Variants in HSH2D observed in about 807,000 individuals in gnomAD.
The protein encoded by HSH2D is hematopoietic SH2 domain containing.
A neutral mutation model predicts 21.5 loss-of-function variants in HSH2D; 16 were observed. The observed-to-expected ratio is 0.74, with a 90% CI of 0.50 to 1.13. The LOEUF (loss-of-function observed/expected upper bound fraction) is 1.13, where lower values mean the gene tolerates loss of function less well. HSH2D is among the 50% of genes most tolerant of loss of function. The probability of loss-of-function intolerance (pLI) is 0.00; values close to 1 mark genes in which losing one functional copy is unlikely to be tolerated. For synonymous variants in HSH2D, 172 were observed against 184.7 expected, an observed-to-expected ratio of 0.93 and a Z score of 0.56; for missense variants, 418 against 441.4, an observed-to-expected ratio of 0.95 and a Z score of 0.47.
intron 2 of HSH2D, chr19:16,151,375 G>A: frequency 6.7e-6 from 2 of 299,002 alleles, no homozygotes; most frequent in Non-Finnish European, 6.7e-6. Context: ...AATAATAACA[G>A]CAAACATTTT....
At position 16,148,860 on chromosome 19, in the gene HSH2D, G is replaced by T. The variant is rs756929208; in HGVS notation, c.110G>T (p.Gly37Val). 1 of 1,613,074 alleles carries T rather than the reference G, an allele frequency of 6.2e-7. No homozygotes were observed. Among genetic ancestry groups the T allele is most frequent in the East Asian group, 2.2e-5 (1 of 44,828 alleles). The change falls in exon 2 of 6, where the codon GGT becomes GTT. Residue 37 changes from glycine to valine, a missense_variant. By Grantham distance (109) the Gly-to-Val change is moderately radical. Transcript: ENST00000613986. ...AQDGVPEWFH[G>V]AISREDAENL... The stretch of plus-strand genomic sequence containing the variant: ...GACGGGGTCCCCGAGTGGTTCCATG[G>T]TGCAATCTCAAGAGAGTGAGGACAC...
At position 16,153,106 on chromosome 19, in the gene HSH2D, C is replaced by T. The variant is rs369342750; in HGVS notation, c.279C>T (p.Pro93=). ...KLLDDGTFMI[P]GEKVAHTSLD... ...TGGATGATGGGACTTTCATGATCCC[C>T]GGGGAGAAGGTGGCCCACACCTCGC... is the stretch of plus-strand genomic sequence containing the variant. Residue 93 remains proline (P), a synonymous_variant, in exon 4 of 6, where the codon CCC becomes CCT. Transcript: ENST00000613986. The T allele has an allele frequency of 1.9e-6, 3 of 1,608,094 alleles. No individual in the cohort carries two copies. The highest frequency in any genetic ancestry group is 1.1e-5 in the South Asian group (1 of 89,922).
At chr19:16,147,955 GT>G (rs112290498) in intron 1 of HSH2D, among the ~76,000 whole-genome samples, 2,931 of 149,582 alleles carry the variant, frequency 0.02, 93 homozygotes, top group African/African-American at 0.068. Flanking sequence ...ACACAAGCCA[GT>G]TTTTTGTTGT....
chr19:16,144,034 T>C (rs1375918643), intron 1 of HSH2D, among the ~76,000 whole-genome samples: 1 of 151,796 alleles, frequency 6.6e-6, no homozygotes, highest in African/African-American at 2.4e-5. Flanking sequence ...AAGGATGTCT[T>C]TAGGTCTAGA....
At chr19:16,138,753 G>C (rs1029746898), upstream of HSH2D, among the ~76,000 whole-genome samples, 2 of 152,074 alleles carry the variant, frequency 1.3e-5, no homozygotes, top group Admixed American at 6.6e-5. Flanking sequence ...ACCGCACCCA[G>C]CCTGCCCTTG....
At position 16,157,940 on chromosome 19, in the gene HSH2D, G is replaced by C; in HGVS notation, c.*146G>C. 1 of 619,750 alleles carries C rather than the reference G, an allele frequency of 1.6e-6. No individual in the cohort carries two copies. The highest frequency in any genetic ancestry group is 2.8e-6 in the Non-Finnish European group (1 of 356,730). 38.4% of individuals were successfully genotyped at this position (619,750 alleles called of 1,614,324 possible). ...TGGAATAAAGATGTTTTTGGGGTCT[G>C]TTCCTGCACTCACCCATGGGGTGAG... On this transcript the variant is annotated 3_prime_UTR_variant, in exon 6 of 6. Transcript: ENST00000613986. The surrounding 1 kb of genome is among the most constrained non-coding windows in gnomAD (Gnocchi z 4.4).
At position 16,147,030 on chromosome 19, in the gene HSH2D, T is replaced by C. The variant is rs184596414; in HGVS notation, c.-27-1694T>C. 2.5e-3 allele frequency among the ~76,000 whole-genome samples: 376 copies of C among 152,146 alleles called. 2 individuals carry two copies. The highest frequency in any genetic ancestry group is 8.8e-3 in the African/African-American group (365 of 41,534). ...TAGTAGAGATGGGGTTTCACCATGT[T>C]GGCCAGGCTGGCCTCGAACTCCTGA... On this transcript the variant is annotated intron_variant, in intron 1 of 5. Coordinates refer to ENST00000613986, the MANE Select transcript of HSH2D (RefSeq NM_001382417.1).
At position 16,152,702 on chromosome 19, in the gene HSH2D, G is replaced by A. The variant is rs557515540; in HGVS notation, c.215+61G>A. The A allele has an allele frequency of 9.8e-6, 12 of 1,228,084 alleles. No homozygotes were observed. The South Asian group carries it at 1.4e-4, about 15-fold the overall frequency. The allele number at this position is 1,228,084 out of a possible 1,614,324, so 76.1% of individuals were successfully genotyped here. A position where few individuals can be genotyped will look rare whatever the true frequency, so the allele number is the denominator to read the frequency against. On this transcript the variant is annotated intron_variant, in intron 3 of 5. Transcript: ENST00000613986. Reference sequence around the variant, plus strand: ...TGGGCTCTTGGGTTTCCTTGGAGGGGGCAAGGGGTGCTTCATGTCATAGCT... The same window carrying A: ...TGGGCTCTTGGGTTTCCTTGGAGGGAGCAAGGGGTGCTTCATGTCATAGCT...
chr19:16,146,075 CAAAAA>C (rs796457464), intron 1 of HSH2D, among the ~76,000 whole-genome samples: 2 of 59,882 alleles, frequency 3.3e-5, no homozygotes, highest in Admixed American at 1.9e-4. Context: ...GATTCCATCT[CAAAAA>C]AAAAAAAAAA....
chr19:16,154,373 A>C, intron 4 of HSH2D, 26 bp from the exon 5 acceptor site: 2 of 1,501,348 alleles, frequency 1.3e-6, no homozygotes, highest in Non-Finnish European at 1.8e-6. Flanking sequence ...CCTAGTGCTG[A>C]GCTACAGGCC....
chr19:16,146,992 A>T (rs2091080316), intron 1 of HSH2D, among the ~76,000 whole-genome samples: 1 of 151,642 alleles, frequency 6.6e-6, no homozygotes, highest in African/African-American at 2.4e-5. Flanking sequence ...CATCTGGCTA[A>T]TTTTTGTATT....
At chr19:16,142,434 GT>G (rs796266937), upstream of HSH2D, among the ~76,000 whole-genome samples, 2 of 151,914 alleles carry the variant, frequency 1.3e-5, no homozygotes, top group African/African-American at 2.4e-5. Context: ...GGGGTTTTTT[GT>G]TTTTTTGTTT....
At chr19:16,151,961 G>T (rs906102464) in intron 2 of HSH2D, among the ~76,000 whole-genome samples, 29 of 142,566 alleles carry the variant, frequency 2.0e-4, no homozygotes, top group African/African-American at 6.8e-4. Flanking sequence ...AAAAAAAAAA[G>T]TTGGGCATGG....
chr19:16,134,610 AT>A (rs35044242), intron 1 of HSH2D, among the ~76,000 whole-genome samples: 45,977 of 151,802 alleles, frequency 0.3, 7,097 homozygotes, highest in Middle Eastern at 0.34. Flanking sequence ...TCCAATTTGA[AT>A]GTCTCATCGG....
intron 2 of HSH2D, among the ~76,000 whole-genome samples, chr19:16,151,759 A>G (rs1274188455): frequency 7.6e-6 from 1 of 131,916 alleles, no homozygotes; most frequent in East Asian, 2.1e-4. Flanking sequence ...AAGGTCTGCC[A>G]CAGCTGAAAA....
At chr19:16,146,033 G>A (rs905916819) in intron 1 of HSH2D, among the ~76,000 whole-genome samples, 5 of 145,906 alleles carry the variant, frequency 3.4e-5, no homozygotes, top group African/African-American at 7.8e-5. Context: ...CTGAGATCGC[G>A]CCACTGCACT....
At chr19:16,136,359 G>A (rs2090963978) in intron 1 of HSH2D, among the ~76,000 whole-genome samples, 1 of 152,060 alleles carries the variant, frequency 6.6e-6, no homozygotes, top group African/African-American at 2.4e-5. Context: ...CCTGTGCCTG[G>A]CTTTCTTCTG....
intron 1 of HSH2D, among the ~76,000 whole-genome samples, chr19:16,146,111 G>A (rs925296931): frequency 6.6e-6 from 1 of 151,330 alleles, no homozygotes; most frequent in Non-Finnish European, 1.5e-5. Context: ...GGGTGAGCAA[G>A]AGGGGTCCTG....
intron 5 of HSH2D, among the ~76,000 whole-genome samples, chr19:16,155,383 T>G (rs928350975): frequency 4.6e-5 from 7 of 151,878 alleles, no homozygotes; most frequent in Admixed American, 4.6e-4. Context: ...GGGAGGACAT[T>G]CCAGGCAGCG....
Sources: gnomAD v4.1 joint callset for allele counts (sites outside exome capture counted in the v4.1 genomes callset) on GRCh38, gnomAD v4.1.1 for gene constraint, Gnocchi (gnomAD v3.1) non-coding constraint, MANE v1.5 for transcripts, NCBI Gene and HGNC (gene_info 2026-07-23, HGNC 2026-07-21) for gene names.